ABRAXAS2: variants seen among roughly 807,000 people sequenced by gnomAD.
ABRAXAS2 encodes BRISC complex subunit Abraxas 2.
A neutral mutation model predicts 49.0 loss-of-function variants in ABRAXAS2; 23 were observed. The observed-to-expected ratio is 0.47, with a 90% CI of 0.34 to 0.66. The LOEUF (loss-of-function observed/expected upper bound fraction) is 0.66, where lower values mean the gene tolerates loss of function less well. Ranked by LOEUF, ABRAXAS2 falls within the 30% of genes least tolerant of loss-of-function variation. ABRAXAS2 has a pLI of 0.01. For missense variants in ABRAXAS2, 443 were observed against 511.9 expected, an observed-to-expected ratio of 0.87 and a Z score of 1.30; for synonymous variants, 168 against 180.2, an observed-to-expected ratio of 0.93 and a Z score of 0.54.
chr10:124,818,674 G>T (rs1285024941), intron 3 of ABRAXAS2, among the ~76,000 whole-genome samples: 1 of 152,136 alleles, frequency 6.6e-6, no homozygotes, highest in South Asian at 2.1e-4. Context: ...AGAAGTAGAG[G>T]TGTGGCTTTC....
chr10:124,816,533 C>T lies in ABRAXAS2; in HGVS notation c.164-43C>T, dbSNP rs200554924. 1.6e-4 allele frequency: 236 copies of T among 1,434,150 alleles called. 4 individuals are homozygous for T. In the Admixed American group the frequency reaches 4.3e-3, roughly 26 times the overall value. The allele number at this position is 1,434,150 out of a possible 1,614,324, so 88.8% of individuals were successfully genotyped here. On this transcript the variant is annotated intron_variant, in intron 2 of 8. Transcript: ENST00000298492. ...TGAGCTATTTTATAGTTGCCTATGT[C>T]TTACATGATTAACTAAGATGTATTT... is the stretch of plus-strand genomic sequence containing the variant.
chr10:124,834,304 G>T (rs1414550375), intron 8 of ABRAXAS2, among the ~76,000 whole-genome samples, 198 bp from the exon 9 acceptor site: 2 of 152,112 alleles, frequency 1.3e-5, no homozygotes, highest in Non-Finnish European at 2.9e-5. Context: ...AATTTGTCAT[G>T]GCCTTAAATG....
chr10:124,828,353 T>G (rs1002173937), intron 5 of ABRAXAS2, among the ~76,000 whole-genome samples: 1 of 152,050 alleles, frequency 6.6e-6, no homozygotes, highest in Admixed American at 6.6e-5. Context: ...GCATGCCCTT[T>G]TTAAAAAATT....
At chr10:124,813,008 C>T (rs971307123) in intron 2 of ABRAXAS2, among the ~76,000 whole-genome samples, 2 of 152,048 alleles carry the variant, frequency 1.3e-5, no homozygotes, top group Admixed American at 1.3e-4. Context: ...TCGAGACCAG[C>T]CTGGCCAACA....
intron 5 of ABRAXAS2, 124 bp downstream of exon 5, chr10:124,826,909 T>A (rs1187013788): frequency 9.7e-6 from 9 of 924,920 alleles, no homozygotes; most frequent in Non-Finnish European, 1.5e-5. Context: ...GTCAAGAGAT[T>A]GAGACCATCC....
chr10:124,805,518 A>C (rs893119265), intron 1 of ABRAXAS2, among the ~76,000 whole-genome samples: 13 of 152,194 alleles, frequency 8.5e-5, no homozygotes, highest in African/African-American at 3.1e-4. Context: ...TTAGTGAGGC[A>C]CCTACTAAGT....
intron 2 of ABRAXAS2, among the ~76,000 whole-genome samples, chr10:124,814,793 C>T (rs554090068): frequency 1.8e-4 from 28 of 151,724 alleles, no homozygotes; most frequent in South Asian, 4.2e-4. Flanking sequence ...ATTACAGGCG[C>T]GCGCCACCAC....
chr10:124,828,421 GTGGCACAATCT>G (rs1438384720), intron 5 of ABRAXAS2, among the ~76,000 whole-genome samples: 3 of 152,136 alleles, frequency 2.0e-5, no homozygotes, highest in Non-Finnish European at 4.4e-5. Context: ...CTGGAGTGCA[GTGGCACAATCT>G]TGGCTCATTG....
chr10:124,826,913 A>C (rs920257564), intron 5 of ABRAXAS2, 128 bp downstream of exon 5: 14 of 896,880 alleles, frequency 1.6e-5, no homozygotes, highest in Non-Finnish European at 2.2e-5. Context: ...AGAGATTGAG[A>C]CCATCCTGGC....
At chr10:124,827,455 T>G (rs932780144) in intron 5 of ABRAXAS2, among the ~76,000 whole-genome samples, 7 of 152,174 alleles carry the variant, frequency 4.6e-5, no homozygotes, top group African/African-American at 1.4e-4. Flanking sequence ...AAAACTTGTA[T>G]TATTCCCTTT....
At chr10:124,829,694 C>T (rs1224259129) in intron 7 of ABRAXAS2, among the ~76,000 whole-genome samples, 1 of 152,198 alleles carries the variant, frequency 6.6e-6, no homozygotes, top group Admixed American at 6.6e-5. Context: ...ATTGTTAATA[C>T]TACTGTTTCA....
intron 2 of ABRAXAS2, among the ~76,000 whole-genome samples, chr10:124,808,178 CT>C (rs553175695): frequency 0.096 from 13,869 of 144,534 alleles, 955 homozygotes; most frequent in African/African-American, 0.21. Context: ...ATGCGGCAAA[CT>C]TTTTTTTTTT....
At chr10:124,813,495 C>T (rs1357077351) in intron 2 of ABRAXAS2, among the ~76,000 whole-genome samples, 2 of 152,128 alleles carry the variant, frequency 1.3e-5, no homozygotes, top group East Asian at 1.9e-4. Flanking sequence ...AAATGTGTGC[C>T]GAGAGGCGAT....
intron 2 of ABRAXAS2, among the ~76,000 whole-genome samples, chr10:124,807,212 C>T (rs868740858): frequency 1.4e-5 from 2 of 148,008 alleles, no homozygotes. Flanking sequence ...ACTCAGGAGG[C>T]TGAGGCAGGA....
chr10:124,821,189 A>C (rs1353090790), intron 4 of ABRAXAS2, among the ~76,000 whole-genome samples: 3 of 151,226 alleles, frequency 2.0e-5, no homozygotes, highest in African/African-American at 7.3e-5. Context: ...CTGGGATTAC[A>C]GGTGTGAGCC....
Position 124,835,397 on chromosome 10 carries a change from C to G in ABRAXAS2, c.*426C>G, listed in dbSNP as rs1950963329. 6.5e-6 allele frequency: 1 copy of G among 153,932 alleles called. No homozygotes were observed. Among genetic ancestry groups the G allele is most frequent in the Non-Finnish European group, 1.5e-5 (1 of 68,964 alleles). 9.5% of individuals were successfully genotyped at this position (153,932 alleles called of 1,614,324 possible). A position where few individuals can be genotyped will look rare whatever the true frequency, so the allele number is the denominator to read the frequency against. ...AAAGGGAAACAAGTTTAGCAGCAGC[C>G]TTCAAAGAACTTCTTTCTATGATGA... On this transcript the variant is annotated 3_prime_UTR_variant, in exon 9 of 9. Coordinates refer to ENST00000298492, the MANE Select transcript of ABRAXAS2 (RefSeq NM_032182.4).
At chr10:124,831,682 G>A (rs1274737934) in intron 8 of ABRAXAS2, among the ~76,000 whole-genome samples, 2 of 151,936 alleles carry the variant, frequency 1.3e-5, no homozygotes, top group East Asian at 1.9e-4. Context: ...AAAAGAAGAC[G>A]AAAGGTAGAA....
chr10:124,830,019 C>T (rs150499552), intron 7 of ABRAXAS2, among the ~76,000 whole-genome samples: 4 of 152,272 alleles, frequency 2.6e-5, no homozygotes, highest in East Asian at 1.9e-4. Context: ...TCGTCATCCC[C>T]GCTGTGTTTT....
intron 4 of ABRAXAS2, among the ~76,000 whole-genome samples, 178 bp from the exon 5 acceptor site, chr10:124,826,417 G>C (rs190059771): frequency 8.9e-4 from 136 of 152,280 alleles, no homozygotes; most frequent in Non-Finnish European, 1.8e-3. Context: ...TAGGATTCCA[G>C]CATATGCCTG....
Sources: allele counts gnomAD v4.1 joint callset (sites outside exome capture counted in the v4.1 genomes callset), GRCh38; gene constraint gnomAD v4.1.1; transcripts MANE v1.5; gene names NCBI Gene and HGNC (gene_info 2026-07-23, HGNC 2026-07-21).